Variants in RIPOR2 observed in about 807,000 individuals in gnomAD.
RIPOR2 encodes rho family-interacting cell polarization regulator 2.
Under a neutral mutation model 114.5 loss-of-function variants are expected in RIPOR2, and 39 were observed. That is an observed-to-expected ratio of 0.34 (90% CI 0.26 to 0.44). The LOEUF (loss-of-function observed/expected upper bound fraction) is 0.44. Ranked by LOEUF, RIPOR2 falls within the 20% of genes least tolerant of loss-of-function variation. The pLI, the probability that RIPOR2 is intolerant of heterozygous loss-of-function variation, is 1.00. For synonymous variants in RIPOR2, 445 were observed against 484.4 expected (o/e 0.92, Z 1.07); for missense variants, 1,007 against 1,255.1 (o/e 0.80, Z 2.99).
chr6:24,857,261 T>G (rs1048395304), intron 8 of RIPOR2, among the ~76,000 whole-genome samples: 3 of 152,120 alleles, frequency 2.0e-5, no homozygotes, highest in African/African-American at 7.2e-5. Context: ...ATTTTCACAG[T>G]TGGAGAAAGC....
In RIPOR2 at chr6:24,921,653, C is replaced by CG. The variant is rs530133055; in HGVS notation, c.61+14184_61+14185insC. On this transcript the variant is annotated intron_variant, in intron 1 of 21. Transcript: ENST00000643898. ...AATTTTTTCCCATAACACTTATCGCCCCCCCCGACCCTGATGTACTGTATT... is the reference window on the plus strand; with the variant it reads ...AATTTTTTCCCATAACACTTATCGCCGCCCCCCGACCCTGATGTACTGTATT... 3.8e-4 allele frequency among the ~76,000 whole-genome samples: 57 copies of CG among 149,214 alleles called. 1 individual carries two copies. The South Asian group carries it at 0.01, about 26-fold the overall frequency.
chr6:25,024,437 C>T (rs1776502860), intron 1 of RIPOR2: 2 of 987,870 alleles, frequency 2.0e-6, no homozygotes, highest in African/African-American at 3.2e-5. Context: ...AGGAGGTGTC[C>T]AGGCCGCCAC....
intron 1 of RIPOR2, among the ~76,000 whole-genome samples, chr6:24,987,781 CT>C (rs1774598059): frequency 6.6e-6 from 1 of 152,170 alleles, no homozygotes; most frequent in Admixed American, 6.5e-5. Flanking sequence ...ATCAGAAGAC[CT>C]CAGAGATTTG....
intron 1 of RIPOR2, among the ~76,000 whole-genome samples, chr6:25,041,404 G>T (rs1423225572): frequency 6.6e-6 from 1 of 152,210 alleles, no homozygotes; most frequent in Non-Finnish European, 1.5e-5. Flanking sequence ...GCCCTTTAAA[G>T]GAAATATGAC....
At position 24,914,117 on chromosome 6, in the gene RIPOR2, T is replaced by C. The variant is rs1331432004; in HGVS notation, c.61+21721A>G. ...TGGGAGGCCGAGGTGGGTGGATCAC[T>C]TGAGGCCAGGAGTTTGAGACCAGCC... On this transcript the variant is annotated intron_variant, in intron 1 of 21. Coordinates refer to ENST00000643898, the MANE Select transcript of RIPOR2 (RefSeq NM_001286445.3). Among the ~76,000 whole-genome samples the C allele has an allele frequency of 3.3e-5, 5 of 152,228 alleles. 1 individual carries two copies. The highest frequency in any genetic ancestry group is 1.2e-4 in the African/African-American group (5 of 41,538).
chr6:24,952,949 G>A lies in RIPOR2; in HGVS notation c.77-77132C>T, dbSNP rs545513479. On this transcript the variant is annotated intron_variant, in intron 1 of 13. Transcript: ENST00000510784. ...TTAGTGGGAAGCACAGTGAGAACCT[G>A]TTATGCACTGAATGTATGTGTCTCC... 4.6e-5 allele frequency among the ~76,000 whole-genome samples: 7 copies of A among 152,366 alleles called. No individual in the cohort carries two copies. In the East Asian group the frequency reaches 1.3e-3, roughly 29 times the overall value.
At chr6:25,019,774 C>CAAAAAAA (rs34107737) in intron 1 of RIPOR2, among the ~76,000 whole-genome samples, 50 of 53,064 alleles carry the variant, frequency 9.4e-4, no homozygotes, top group African/African-American at 1.9e-3. Flanking sequence ...GACTCTGTCT[C>CAAAAAAA]AAAAAAAAAA....
At chr6:24,845,201 T>G (rs1450995387) in intron 12 of RIPOR2, among the ~76,000 whole-genome samples, 1 of 152,190 alleles carries the variant, frequency 6.6e-6, no homozygotes, top group Non-Finnish European at 1.5e-5. Flanking sequence ...TATTGAACTG[T>G]GGTCCACAAT....
rs745964318 is a variant in RIPOR2, at chr6:24,852,642, G to C, written c.716-24C>G. On this transcript the variant is annotated intron_variant, in intron 8 of 21. Transcript: ENST00000643898. ...ACCTGTAACCAAGAAATTGGAAGGT[G>C]AGGTGTAGAACATATTTCCCCTCTC... The C allele has an allele frequency of 8.9e-6, 14 of 1,578,238 alleles. No homozygotes were observed. The East Asian group carries it at 3.2e-4, about 36-fold the overall frequency.
chr6:24,894,359 G>A (rs734014), intron 1 of RIPOR2, among the ~76,000 whole-genome samples: 76,161 of 151,990 alleles, frequency 0.5, 21,019 homozygotes, highest in African/African-American at 0.74. Context: ...TGTATTCTGA[G>A]ACTGACCTGT....
Position 24,875,724 on chromosome 6 carries a change from G to T in RIPOR2, c.155C>A (p.Ala52Glu). ...PNGIIRSQSF[A>E]GFSGLQERRS... ...CCTTTCCTGGAGGCCGCTGAAACCCGCAAAGGACTGGCTTCTAATGATCCC... is the reference window on the plus strand; with the variant it reads ...CCTTTCCTGGAGGCCGCTGAAACCCTCAAAGGACTGGCTTCTAATGATCCC... The change falls in exon 2 of 22, where the codon GCG becomes GAG. Residue 52 changes from alanine (A) to glutamate (E), a missense_variant. Transcript: ENST00000643898. 1 of 1,613,440 alleles carries T rather than the reference G, an allele frequency of 6.2e-7. No homozygotes were observed. Among genetic ancestry groups the T allele is most frequent in the South Asian group, 1.1e-5 (1 of 90,932 alleles).
chr6:24,932,385 C>T lies in RIPOR2; in HGVS notation c.61+3453G>A, dbSNP rs1771468417. Among the ~76,000 whole-genome samples, 4 of 151,456 alleles carry T rather than the reference C, an allele frequency of 2.6e-5. No homozygotes were observed. In the South Asian group the frequency reaches 8.3e-4, roughly 32 times the overall value. The stretch of plus-strand genomic sequence containing the variant: ...GAGAGAGAAGAAACAGATGGAGAGA[C>T]AGAGAGAGAACAGACATTGGGATTT... On this transcript the variant is annotated intron_variant, in intron 1 of 21. Coordinates refer to ENST00000643898, the MANE Select transcript of RIPOR2 (RefSeq NM_001286445.3).
chr6:24,972,457 C>A (rs925979272), intron 1 of RIPOR2, among the ~76,000 whole-genome samples: 1 of 152,140 alleles, frequency 6.6e-6, no homozygotes, highest in Non-Finnish European at 1.5e-5. Context: ...GGTGAAGGCC[C>A]GGACAGAAAC....
Position 24,909,150 on chromosome 6 carries a change from G to T in RIPOR2, c.61+26688C>A, listed in dbSNP as rs946953088. Among the ~76,000 whole-genome samples the T allele has an allele frequency of 7.9e-5, 12 of 152,310 alleles. No individual in the cohort carries two copies. The East Asian group carries it at 2.3e-3, about 29-fold the overall frequency. Reference sequence around the variant, plus strand: ...CTTCCTGGGGGAAAGGACACAATTTGACACTATTGCAACTGAAGGGGAAGC... The same window carrying T: ...CTTCCTGGGGGAAAGGACACAATTTTACACTATTGCAACTGAAGGGGAAGC... On this transcript the variant is annotated intron_variant, in intron 1 of 21. Transcript: ENST00000643898.
chr6:25,013,826 T>G (rs192310994), intron 1 of RIPOR2, among the ~76,000 whole-genome samples: 1 of 152,192 alleles, frequency 6.6e-6, no homozygotes, highest in Non-Finnish European at 1.5e-5. Flanking sequence ...AAAAAAGTCC[T>G]TTCTACAATA....
intron 1 of RIPOR2, among the ~76,000 whole-genome samples, chr6:24,908,982 T>G (rs1430040217): frequency 6.6e-6 from 1 of 152,186 alleles, no homozygotes; most frequent in Non-Finnish European, 1.5e-5. Context: ...CATTAGAGTG[T>G]CAGAGGAAGA....
chr6:24,837,135 T>A (rs1039986145), intron 14 of RIPOR2, among the ~76,000 whole-genome samples: 13 of 152,198 alleles, frequency 8.5e-5, no homozygotes, highest in Non-Finnish European at 1.8e-4. Flanking sequence ...TTTTATTATT[T>A]TTTTTGAGAC....
intron 17 of RIPOR2, among the ~76,000 whole-genome samples, chr6:24,828,921 T>C (rs1392907901): frequency 1.3e-5 from 2 of 152,188 alleles, no homozygotes; most frequent in African/African-American, 2.4e-5. Context: ...TGGAATTATA[T>C]AGTATGTACT....
upstream of RIPOR2, among the ~76,000 whole-genome samples, chr6:24,939,019 AT>A (rs567988030): frequency 9.1e-4 from 138 of 152,334 alleles, no homozygotes; most frequent in African/African-American, 3.1e-3. Context: ...AAATAAAAAA[AT>A]GTAGGTAATC....
Sources: gnomAD v4.1 joint callset for allele counts (sites outside exome capture counted in the v4.1 genomes callset) on GRCh38, gnomAD v4.1.1 for gene constraint, MANE v1.5 for transcripts, NCBI Gene and HGNC (gene_info 2026-07-23, HGNC 2026-07-21) for gene names.